The following FOXP1 variants were observed in gnomAD, a reference collection of about 807,000 sequenced individuals.
FOXP1 encodes forkhead box P1.
A neutral mutation model predicts 98.2 loss-of-function variants in FOXP1; 15 were observed. The observed-to-expected ratio is 0.15, with a 90% CI of 0.10 to 0.24. FOXP1 has a LOEUF of 0.24. Among genes scored for constraint, FOXP1 ranks in the 10% least tolerant of loss-of-function variants. FOXP1 has a pLI of 1.00. For synonymous variants in FOXP1, 371 were observed against 314.5 expected, an observed-to-expected ratio of 1.18 and a Z score of -1.90; for missense variants, 633 against 848.5, an observed-to-expected ratio of 0.75 and a Z score of 3.15.
intron 11 of FOXP1, among the ~76,000 whole-genome samples, chr3:71,019,165 T>G (rs185059174): frequency 2.0e-5 from 3 of 152,104 alleles, no homozygotes; most frequent in African/African-American, 7.2e-5. Flanking sequence ...AGAAGGGAAA[T>G]AAAAATGAGG....
intron 7 of FOXP1, among the ~76,000 whole-genome samples, chr3:71,088,219 C>A (rs1363236455): frequency 6.6e-6 from 1 of 152,160 alleles, no homozygotes; most frequent in Non-Finnish European, 1.5e-5. Context: ...CCTAGATAGA[C>A]GCAAGACTCA....
Position 71,217,269 on chromosome 3 carries a change from C to T in FOXP1, c.-11-18877G>A, listed in dbSNP as rs149441947. On this transcript the variant is annotated intron_variant, in intron 5 of 20. Transcript: ENST00000649528. Reference sequence around the variant, plus strand: ...TGTATTTTTAGTAGAGATGGGGTTTCATCATGTTGGCCTGGTTGGTCTGGA... The same window carrying T: ...TGTATTTTTAGTAGAGATGGGGTTTTATCATGTTGGCCTGGTTGGTCTGGA... Among the ~76,000 whole-genome samples the T allele has an allele frequency of 1.3e-4, 20 of 152,146 alleles. 1 individual carries two copies. The highest frequency in any genetic ancestry group is 2.1e-4 in the Non-Finnish European group (14 of 68,006).
intron 3 of FOXP1, among the ~76,000 whole-genome samples, chr3:71,372,014 T>C (rs2079363662): frequency 6.6e-6 from 1 of 151,272 alleles, no homozygotes; most frequent in Admixed American, 6.6e-5. Flanking sequence ...CTTTTCTTTC[T>C]TTCTTTTTTT....
chr3:71,549,884 A>C (rs889940659), intron 2 of FOXP1, among the ~76,000 whole-genome samples: 7 of 151,052 alleles, frequency 4.6e-5, no homozygotes, highest in African/African-American at 1.7e-4. Flanking sequence ...AAAAAAAAAA[A>C]AACGCTCTCT....
intron 5 of FOXP1, among the ~76,000 whole-genome samples, chr3:71,281,318 T>C (rs1272009106): frequency 3.3e-5 from 5 of 152,164 alleles, no homozygotes; most frequent in Admixed American, 3.3e-4. Context: ...CATGTGCGCG[T>C]GCACACACTC....
chr3:71,242,764 GAAA>G (rs56035810), intron 5 of FOXP1, among the ~76,000 whole-genome samples: 248 of 140,254 alleles, frequency 1.8e-3, no homozygotes, highest in Non-Finnish European at 2.0e-3. Context: ...GCCCAAAAAG[GAAA>G]AAAAAAAAAA....
chr3:71,000,040 C>T (rs2041912485), intron 13 of FOXP1, among the ~76,000 whole-genome samples: 1 of 152,126 alleles, frequency 6.6e-6, no homozygotes, highest in South Asian at 2.1e-4. Flanking sequence ...CAGGGTCAGG[C>T]TGTTGCAATT....
intron 3 of FOXP1, among the ~76,000 whole-genome samples, chr3:71,382,121 A>C (rs2080224647): frequency 1.3e-5 from 2 of 151,978 alleles, no homozygotes; most frequent in South Asian, 2.1e-4. Flanking sequence ...AAAATCCAAA[A>C]TATTTTGGCT....
At chr3:71,457,932 C>T (rs1282910767) in intron 3 of FOXP1, among the ~76,000 whole-genome samples, 1 of 152,190 alleles carries the variant, frequency 6.6e-6, no homozygotes, top group Non-Finnish European at 1.5e-5. Context: ...CTCCAGGCTT[C>T]CTTGCAGCAC....
chr3:71,326,704 T>C (rs753775327), intron 4 of FOXP1, among the ~76,000 whole-genome samples: 3 of 152,150 alleles, frequency 2.0e-5, no homozygotes, highest in Non-Finnish European at 4.4e-5. Flanking sequence ...ACTGGTTGGA[T>C]GTATTAGGTG....
intron 7 of FOXP1, among the ~76,000 whole-genome samples, chr3:71,066,674 T>C (rs1262839810): frequency 6.6e-6 from 1 of 152,232 alleles, no homozygotes; most frequent in Admixed American, 6.5e-5. Context: ...CCTAAGTGAC[T>C]TTCTTTTTCC....
intron 11 of FOXP1, among the ~76,000 whole-genome samples, chr3:71,038,507 G>A (rs1001371174): frequency 6.6e-6 from 1 of 152,210 alleles, no homozygotes; most frequent in Non-Finnish European, 1.5e-5. Context: ...TGGCACATCA[G>A]TGTACAGTGA....
intron 11 of FOXP1, among the ~76,000 whole-genome samples, chr3:71,020,913 A>G (rs2045337485): frequency 6.6e-6 from 1 of 152,194 alleles, no homozygotes; most frequent in South Asian, 2.1e-4. Context: ...CAAACACCAA[A>G]AAAACGAAAT....
chr3:71,199,410 AG>A (rs2063513707), intron 5 of FOXP1, among the ~76,000 whole-genome samples: 1 of 152,004 alleles, frequency 6.6e-6, no homozygotes. Flanking sequence ...ACCTGGCCTA[AG>A]GTACTAAAAT....
chr3:71,338,335 G>A (rs2076810144), intron 4 of FOXP1, among the ~76,000 whole-genome samples: 2 of 152,208 alleles, frequency 1.3e-5, no homozygotes, highest in African/African-American at 4.8e-5. Flanking sequence ...TATAGAAAGT[G>A]GATAATTATG....
intron 2 of FOXP1, among the ~76,000 whole-genome samples, chr3:71,523,952 G>C (rs1166930070): frequency 6.6e-6 from 1 of 152,188 alleles, no homozygotes; most frequent in Non-Finnish European, 1.5e-5. Context: ...GGAGATGAGG[G>C]AATGTGTCCA....
chr3:71,266,024 G>A (rs562025536), intron 5 of FOXP1, among the ~76,000 whole-genome samples: 4 of 152,152 alleles, frequency 2.6e-5, no homozygotes, highest in South Asian at 2.1e-4. Context: ...GCCTGGTCCC[G>A]AAACCCATCA....
At chr3:71,000,836 A>AAATAC (rs2042036032) in intron 13 of FOXP1, 136 bp downstream of exon 13, 1 of 357,838 alleles carries the variant, frequency 2.8e-6, no homozygotes. Context: ...AAATAAAATA[A>AAATAC]AATAAAATAA....
chr3:71,105,710 T>C (rs2057365312), intron 7 of FOXP1, among the ~76,000 whole-genome samples: 1 of 152,006 alleles, frequency 6.6e-6, no homozygotes, highest in Non-Finnish European at 1.5e-5. Flanking sequence ...AAATAAGAAA[T>C]AACTTTGCTT....
Sources: allele counts gnomAD v4.1 joint callset (sites outside exome capture counted in the v4.1 genomes callset), GRCh38; gene constraint gnomAD v4.1.1; transcripts MANE v1.5; gene names NCBI Gene and HGNC (gene_info 2026-07-23, HGNC 2026-07-21).